The following RALGAPA2 variants were observed in gnomAD, a reference collection of about 807,000 sequenced individuals.
RALGAPA2 encodes the protein Ral GTPase activating protein catalytic subunit alpha 2.
A neutral mutation model predicts 230.4 loss-of-function variants in RALGAPA2; 139 were observed. The ratio of observed to expected loss-of-function variants is 0.60; its 90% CI spans 0.53 to 0.69. The LOEUF is 0.69. Ranked by LOEUF, RALGAPA2 falls within the 30% of genes least tolerant of loss-of-function variation. RALGAPA2 has a pLI of 0.00. For synonymous variants in RALGAPA2, 847 were observed against 837.8 expected (o/e 1.01, Z -0.19); for missense variants, 2,163 against 2,276.0 (o/e 0.95, Z 1.01).
At chr20:20,622,026 TCGAGATAACTGTGGTATCAAAAGCCAAA>T (rs1328841612) in intron 10 of RALGAPA2, among the ~76,000 whole-genome samples, 3 of 152,104 alleles carry the variant, frequency 2.0e-5, no homozygotes. Flanking sequence ...TATATCAATA[TCGAGATAACTGTGGTATCAAAAGCCAAA>T]GTAATGGGAT....
rs1395066594 is a variant in RALGAPA2 at position 20,412,044 on chromosome 20, T to G, written c.5600A>C (p.Tyr1867Ser). 1.2e-6 allele frequency: 2 copies of G among 1,613,548 alleles called. No individual in the cohort carries two copies. The highest frequency in any genetic ancestry group is 1.7e-6 in the Non-Finnish European group (2 of 1,179,824). ...AAQVFSPSPS[Y>S]SLSGTD is the part of the protein sequence containing the mutation. ...ACACTCACCCGTTCCGCTGAGGGAG[T>G]AGCTGGGAGAGGGAGAAAAGACTTG... The change falls in exon 38 of 40, where the codon TAC becomes TCC. Residue 1867 changes from tyrosine to serine, a missense_variant. Physicochemically the swap from Tyr to Ser is moderately radical, Grantham distance 144. Coordinates refer to ENST00000202677, the MANE Select transcript of RALGAPA2 (RefSeq NM_020343.4).
chr20:20,404,134 C>T (rs1412866335), intron 38 of RALGAPA2, among the ~76,000 whole-genome samples: 2 of 152,076 alleles, frequency 1.3e-5, no homozygotes, highest in African/African-American at 4.8e-5. Flanking sequence ...TATTCTTTCT[C>T]GGCATTGTCT....
chr20:20,458,275 C>G (rs958086882), intron 37 of RALGAPA2, among the ~76,000 whole-genome samples: 2 of 151,642 alleles, frequency 1.3e-5, no homozygotes, highest in African/African-American at 2.4e-5. Flanking sequence ...TTTCTGTTTT[C>G]AGAAAGCACT....
chr20:20,709,353 T>C (rs1450344502), intron 1 of RALGAPA2, among the ~76,000 whole-genome samples: 1 of 149,894 alleles, frequency 6.7e-6, no homozygotes, highest in Non-Finnish European at 1.5e-5. Flanking sequence ...CCTAGTGTGG[T>C]GGTACATGCC....
At chr20:20,689,201 C>A (rs1332994360) in intron 1 of RALGAPA2, among the ~76,000 whole-genome samples, 1 of 152,156 alleles carries the variant, frequency 6.6e-6, no homozygotes, top group African/African-American at 2.4e-5. Flanking sequence ...TAATTATATT[C>A]TTTTACCTTT....
intron 1 of RALGAPA2, among the ~76,000 whole-genome samples, chr20:20,704,932 T>C (rs890770327): frequency 1.3e-5 from 2 of 152,234 alleles, no homozygotes; most frequent in African/African-American, 2.4e-5. Flanking sequence ...TTATCCATTA[T>C]TCAAAACCTA....
intron 23 of RALGAPA2, among the ~76,000 whole-genome samples, chr20:20,563,793 C>A (rs959576285): frequency 2.6e-5 from 4 of 152,056 alleles, no homozygotes; most frequent in Admixed American, 2.6e-4. Flanking sequence ...GTACTACATC[C>A]TACCTCTCCA....
At chr20:20,680,196 G>T (rs568011708) in intron 2 of RALGAPA2, among the ~76,000 whole-genome samples, 4 of 152,202 alleles carry the variant, frequency 2.6e-5, no homozygotes, top group Non-Finnish European at 5.9e-5. Context: ...GATGTATAAT[G>T]TATACAGAAC....
chr20:20,620,548 GGT>G lies in RALGAPA2; in HGVS notation c.1314_1315del (p.Lys438AsnfsTer9), dbSNP rs2066287714. 6.2e-7 allele frequency: 1 copy of G among 1,613,672 alleles called. No individual in the cohort carries two copies. Among genetic ancestry groups the G allele is most frequent in the African/African-American group, 1.3e-5 (1 of 74,898 alleles). On this transcript the variant is annotated frameshift_variant, in exon 11 of 40. Transcript: ENST00000202677. LOFTEE classifies it high-confidence loss of function. ...TCTATCTGGCTCCTCCATGAACACAGGTTTGTCCTGGAGAATCCACTTTCTGT... is the reference window on the plus strand; with the variant it reads ...TCTATCTGGCTCCTCCATGAACACAGTTGTCCTGGAGAATCCACTTTCTGT...
At chr20:20,409,885 C>T (rs2060024949) in intron 38 of RALGAPA2, among the ~76,000 whole-genome samples, 1 of 152,198 alleles carries the variant, frequency 6.6e-6, no homozygotes, top group African/African-American at 2.4e-5. Context: ...TAAAACAGAA[C>T]ATTATGCCTA....
Position 20,663,840 on chromosome 20 carries a change from C to T in RALGAPA2, c.271-10253G>A, listed in dbSNP as rs149625985. ...CTCCTGGCCTCAAGCAATCCACCTG[C>T]CTCAGCCTCCCAAAGTGCTGGGATT... On this transcript the variant is annotated intron_variant, in intron 3 of 39. Transcript: ENST00000202677. Among the ~76,000 whole-genome samples, 1,067 of 152,318 alleles carry T rather than the reference C, an allele frequency of 7.0e-3. 12 individuals are homozygous for T. Among genetic ancestry groups the T allele is most frequent in the African/African-American group, 0.024 (1,011 of 41,562 alleles).
chr20:20,464,140 C>T (rs2061363631), intron 37 of RALGAPA2, among the ~76,000 whole-genome samples: 1 of 152,128 alleles, frequency 6.6e-6, no homozygotes, highest in Non-Finnish European at 1.5e-5. Flanking sequence ...CTAGTGCTTC[C>T]TCCAGACTCT....
At chr20:20,706,005 A>G (rs1438932235) in intron 1 of RALGAPA2, among the ~76,000 whole-genome samples, 1 of 152,214 alleles carries the variant, frequency 6.6e-6, no homozygotes, top group Non-Finnish European at 1.5e-5. Flanking sequence ...ATAGTTTTAT[A>G]TTGATACCCC....
Position 20,712,386 on chromosome 20 carries a change from C to A in RALGAPA2, c.95G>T (p.Arg32Leu). The part of the protein sequence containing the change: ...KDVLTRLKHL[R>L]ALLDNVDAND... ...GGCGCGCGCCTCACCCAGCAGCGCC[C>A]GCAGGTGCTTCAGGCGGGTCAGCAC... Residue 32 changes from arginine (R) to leucine (L), a missense_variant, in exon 1 of 40, where the codon CGG (arginine) becomes CTG (leucine). Transcript: ENST00000202677. This position sits in a 1 kb window ranked among gnomAD's most constrained non-coding sequence, Gnocchi z 5.5. 6.5e-7 allele frequency: 1 copy of A among 1,548,960 alleles called. No homozygotes were observed. Among genetic ancestry groups the A allele is most frequent in the Non-Finnish European group, 8.7e-7 (1 of 1,145,844 alleles).
chr20:20,524,829 C>T lies in RALGAPA2; in HGVS notation c.3762+1G>A. 1 of 1,595,172 alleles carries T rather than the reference C, an allele frequency of 6.3e-7. No homozygotes were observed. The highest frequency in any genetic ancestry group is 8.5e-7 in the Non-Finnish European group (1 of 1,173,454). ...AAAAACTTAGTTAATGTGCCACCTA[C>T]CTTCTTGTCTGTTTCCACTGAGGAG... On this transcript the variant is annotated splice_donor_variant, in intron 29 of 39. Coordinates refer to ENST00000202677, the MANE Select transcript of RALGAPA2 (RefSeq NM_020343.4). LOFTEE classifies it high-confidence loss of function.
rs766481209 is a variant in RALGAPA2, at chr20:20,583,166, C to T, written c.2591G>A (p.Gly864Asp). Residue 864 changes from glycine to aspartate, a missense_variant, in exon 20 of 40, where the codon GGC becomes GAC. Physicochemically the swap from Gly to Asp is moderately conservative, Grantham distance 94. Transcript: ENST00000202677. ...GCTNEAELSM[G>D]PWQTCEEDPE... ...GTCTTCCTCACAGGTCTGCCATGGG[C>T]CCATGGACAGCTCTGCCTCATTGGT... 7 of 1,613,646 alleles carry T rather than the reference C, an allele frequency of 4.3e-6. No homozygotes were observed. Among genetic ancestry groups the T allele is most frequent in the South Asian group, 1.1e-5 (1 of 91,070 alleles).
chr20:20,436,299 A>G (rs975492158), intron 37 of RALGAPA2, among the ~76,000 whole-genome samples: 1 of 152,198 alleles, frequency 6.6e-6, no homozygotes, highest in Non-Finnish European at 1.5e-5. Flanking sequence ...CCATGTTCCA[A>G]GTAAATCAGA....
rs377219415 is a variant in RALGAPA2 at position 20,619,240 on chromosome 20, C to A, written c.1539+37G>T. ...AAGACAAAATGGCTCCAGCTGTAGG[C>A]GGTGGAGGGGTCTTCATGTCCTGGC... On this transcript the variant is annotated intron_variant, in intron 12 of 39. Transcript: ENST00000202677. The A allele has an allele frequency of 4.5e-6, 7 of 1,543,180 alleles. No individual in the cohort carries two copies. The African/African-American group carries it at 8.1e-5, about 18-fold the overall frequency.
intron 5 of RALGAPA2, among the ~76,000 whole-genome samples, chr20:20,642,111 G>C (rs1184553048): frequency 3.8e-5 from 2 of 53,072 alleles, no homozygotes; most frequent in African/African-American, 8.3e-5. Context: ...CGAGAGGGGA[G>C]GGGAGGGGAG....
Sources: allele counts gnomAD v4.1 joint callset (sites outside exome capture counted in the v4.1 genomes callset), GRCh38; gene constraint gnomAD v4.1.1; non-coding constraint Gnocchi (gnomAD v3.1); transcripts MANE v1.5; gene names NCBI Gene and HGNC (gene_info 2026-07-23, HGNC 2026-07-21).